The following DOCK2 variants were observed in gnomAD, a reference collection of about 807,000 sequenced individuals.
DOCK2 encodes the protein dedicator of cytokinesis 2.
A neutral mutation model predicts 248.9 loss-of-function variants in DOCK2; 87 were observed. The ratio of observed to expected loss-of-function variants is 0.35; its 90% CI spans 0.29 to 0.42. The LOEUF (loss-of-function observed/expected upper bound fraction) is 0.42, where lower values mean the gene tolerates loss of function less well. DOCK2 is among the 10% of genes least tolerant of loss of function. The pLI is 1.00. For synonymous variants in DOCK2, 805 were observed against 821.6 expected, an observed-to-expected ratio of 0.98 and a Z score of 0.35; for missense variants, 1,747 against 2,300.2, an observed-to-expected ratio of 0.76 and a Z score of 4.92.
At chr5:170,025,479 AAAGACCTACC>A (rs1210891827) in intron 33 of DOCK2, among the ~76,000 whole-genome samples, 5 of 152,208 alleles carry the variant, frequency 3.3e-5, no homozygotes, top group African/African-American at 1.2e-4. Context: ...TGAGGATTAG[AAAGACCTACC>A]AGCTTTCCCA....
intron 26 of DOCK2, among the ~76,000 whole-genome samples, chr5:169,815,792 A>G (rs1768036572): frequency 6.6e-6 from 1 of 152,008 alleles, no homozygotes; most frequent in South Asian, 2.1e-4. Context: ...CCTCTTATCA[A>G]CACTGGCTGC....
At chr5:169,795,690 A>G (rs1266566924) in intron 25 of DOCK2, among the ~76,000 whole-genome samples, 1 of 152,070 alleles carries the variant, frequency 6.6e-6, no homozygotes, top group African/African-American at 2.4e-5. Context: ...AATCATGTCT[A>G]TGGAGATCTC....
intron 2 of DOCK2, among the ~76,000 whole-genome samples, chr5:169,656,949 G>A (rs1040694420): frequency 5.3e-5 from 8 of 152,076 alleles, no homozygotes; most frequent in Non-Finnish European, 8.8e-5. Context: ...AATTCAATTA[G>A]TCTTATTTTA....
intron 25 of DOCK2, among the ~76,000 whole-genome samples, chr5:169,787,547 G>A (rs1403580617): frequency 6.6e-6 from 1 of 152,162 alleles, no homozygotes; most frequent in Admixed American, 6.5e-5. Flanking sequence ...TTTGGGCTCA[G>A]TCTTAACCTT....
At chr5:169,886,598 G>A (rs1355650086) in intron 27 of DOCK2, among the ~76,000 whole-genome samples, 1 of 152,190 alleles carries the variant, frequency 6.6e-6, no homozygotes, top group Non-Finnish European at 1.5e-5. Flanking sequence ...ACTGTTAAAT[G>A]CTATGTTAGC....
intron 33 of DOCK2, among the ~76,000 whole-genome samples, chr5:170,020,969 A>G (rs951936423): frequency 3.3e-5 from 5 of 152,232 alleles, no homozygotes; most frequent in African/African-American, 1.2e-4. Flanking sequence ...TCTTAAATTT[A>G]TTTGTGCAAG....
At chr5:169,702,003 C>A in intron 13 of DOCK2, 1 of 281,684 alleles carries the variant, frequency 3.6e-6, no homozygotes, top group Admixed American at 4.8e-5. Flanking sequence ...TTTGCCTTCC[C>A]AGAAGGTGTC....
chr5:170,013,161 G>A (rs577600994), intron 32 of DOCK2, among the ~76,000 whole-genome samples: 270 of 151,996 alleles, frequency 1.8e-3, no homozygotes, highest in African/African-American at 6.3e-3. Flanking sequence ...GAAAGGGCAG[G>A]TATTCTAGGG....
In DOCK2 at chr5:169,674,341, C is replaced by T. The variant is rs35393134; in HGVS notation, c.366C>T (p.Tyr122=). Reference sequence around the variant, plus strand: ...TTCTCCAGGTGCAGTCCATGATGTACGATCTGATGGAGTGGAGGTCCCAGC... The same window carrying T: ...TTCTCCAGGTGCAGTCCATGATGTATGATCTGATGGAGTGGAGGTCCCAGC... The part of the protein sequence containing the change: ...ERFLQVQSMM[Y]DLMEWRSQLL... The change falls in exon 6 of 52, where the codon TAC becomes TAT. Residue 122 remains tyrosine, a synonymous_variant. Transcript: ENST00000520908. 4,888 of 1,614,094 alleles carry T rather than the reference C, an allele frequency of 3.0e-3. 121 individuals carry two copies. The African/African-American group carries it at 0.051, about 17-fold the overall frequency.
At position 169,716,194 on chromosome 5, in the gene DOCK2, C is replaced by T. The variant is rs780066230; in HGVS notation, c.1942-19C>T. Reference sequence around the variant, plus strand: ...TTGTCTTGTTTCTGAAGTAGTGCAACCTTTGTTATTTCTTCCAGTTTCTCC... The same window carrying T: ...TTGTCTTGTTTCTGAAGTAGTGCAATCTTTGTTATTTCTTCCAGTTTCTCC... On this transcript the variant is annotated intron_variant, in intron 19 of 51. Transcript: ENST00000520908. 1 of 1,611,360 alleles carries T rather than the reference C, an allele frequency of 6.2e-7. No individual in the cohort carries two copies. Among genetic ancestry groups the T allele is most frequent in the Non-Finnish European group, 8.5e-7 (1 of 1,177,924 alleles).
At chr5:169,877,090 C>T (rs1229335615) in intron 27 of DOCK2, among the ~76,000 whole-genome samples, 1 of 152,156 alleles carries the variant, frequency 6.6e-6, no homozygotes, top group Non-Finnish European at 1.5e-5. Context: ...GACATTTAAG[C>T]TGCAAGACTA....
At chr5:170,015,620 C>T (rs1479966494) in intron 32 of DOCK2, among the ~76,000 whole-genome samples, 1 of 151,982 alleles carries the variant, frequency 6.6e-6, no homozygotes, top group Non-Finnish European at 1.5e-5. Context: ...TTCAAAGTCC[C>T]CCGGAGGCTT....
At chr5:169,812,448 AT>A (rs1414181732) in intron 26 of DOCK2, among the ~76,000 whole-genome samples, 1 of 152,226 alleles carries the variant, frequency 6.6e-6, no homozygotes, top group Non-Finnish European at 1.5e-5. Context: ...ACAAGGTAAT[AT>A]AATAATAGAA....
At chr5:169,889,561 G>A (rs1386358636) in intron 27 of DOCK2, among the ~76,000 whole-genome samples, 3 of 152,182 alleles carry the variant, frequency 2.0e-5, no homozygotes, top group Non-Finnish European at 4.4e-5. Flanking sequence ...TCCAAATTCT[G>A]CCTTACATAA....
intron 42 of DOCK2, 28 bp downstream of exon 42, chr5:170,055,414 G>A: frequency 6.2e-7 from 1 of 1,609,938 alleles, no homozygotes; most frequent in Non-Finnish European, 8.5e-7. Context: ...CAGGGAAGAA[G>A]GATGGGGAAG....
chr5:170,029,642 C>T (rs576812862), intron 34 of DOCK2, among the ~76,000 whole-genome samples: 1 of 152,184 alleles, frequency 6.6e-6, no homozygotes, highest in Non-Finnish European at 1.5e-5. Context: ...TTGGTAATTG[C>T]CCCCTTCTCC....
chr5:169,836,838 GAAAA>G (rs550506818), intron 26 of DOCK2, among the ~76,000 whole-genome samples: 1 of 148,872 alleles, frequency 6.7e-6, no homozygotes, highest in Non-Finnish European at 1.5e-5. Flanking sequence ...AAAGAAAAAT[GAAAA>G]AAAAAGGCCA....
chr5:169,999,676 C>A (rs1255729877), intron 30 of DOCK2, among the ~76,000 whole-genome samples: 1 of 152,180 alleles, frequency 6.6e-6, no homozygotes, highest in Non-Finnish European at 1.5e-5. Context: ...AGAACAGGAT[C>A]ATTTTCCAAC....
At position 170,076,094 on chromosome 5, in the gene DOCK2, G is replaced by C. The variant is rs367884737; in HGVS notation, c.4866+10G>C. 6.3e-7 allele frequency: 1 copy of C among 1,583,230 alleles called. No individual in the cohort carries two copies. Among genetic ancestry groups the C allele is most frequent in the African/African-American group, 1.3e-5 (1 of 74,188 alleles). On this transcript the variant is annotated intron_variant, in intron 47 of 51. Transcript: ENST00000520908. ...CGGTGTCCGAGAGATGGTATGGGTG[G>C]TTCCTATGGCTTGGAGGGGTGGGAT...
Sources: allele counts gnomAD v4.1 joint callset (sites outside exome capture counted in the v4.1 genomes callset), GRCh38; gene constraint gnomAD v4.1.1; transcripts MANE v1.5; gene names NCBI Gene and HGNC (gene_info 2026-07-23, HGNC 2026-07-21).